Variants in ATP6V1C2 observed in about 807,000 individuals in gnomAD.
ATP6V1C2 encodes the protein V-type proton ATPase subunit C 2.
In ATP6V1C2, 45 loss-of-function variants were observed where a neutral mutation model predicts 56.8. The ratio of observed to expected loss-of-function variants is 0.79; its 90% CI spans 0.62 to 1.02. ATP6V1C2 has a LOEUF of 1.02. Ranked by LOEUF, ATP6V1C2 falls within the 50% of genes least tolerant of loss-of-function variation. The probability of loss-of-function intolerance (pLI) is 0.00; values close to 1 mark genes in which losing one functional copy is unlikely to be tolerated. For synonymous variants in ATP6V1C2, 220 were observed against 201.3 expected, an observed-to-expected ratio of 1.09 and a Z score of -0.79; for missense variants, 463 against 519.7, an observed-to-expected ratio of 0.89 and a Z score of 1.06.
chr2:10,742,488 C>T (rs368100912), intron 3 of ATP6V1C2, among the ~76,000 whole-genome samples: 1 of 152,166 alleles, frequency 6.6e-6, no homozygotes, highest in Non-Finnish European at 1.5e-5. Flanking sequence ...TCGGGCCCTG[C>T]GATCTGCAGC....
At chr2:10,779,261 C>T (rs746454633) in intron 12 of ATP6V1C2, among the ~76,000 whole-genome samples, 9 of 151,404 alleles carry the variant, frequency 5.9e-5, no homozygotes, top group Admixed American at 2.6e-4. Context: ...CCCGCCACCA[C>T]GCCCGGCTAA....
At chr2:10,741,556 C>T (rs187707844) in intron 3 of ATP6V1C2, among the ~76,000 whole-genome samples, 65 of 152,204 alleles carry the variant, frequency 4.3e-4, no homozygotes, top group Admixed American at 2.3e-3. Flanking sequence ...TGACAGTGGC[C>T]GGGCACTGGC....
At chr2:10,745,041 C>CTTTTT (rs5829274) in intron 3 of ATP6V1C2, among the ~76,000 whole-genome samples, 18 of 113,320 alleles carry the variant, frequency 1.6e-4, no homozygotes, top group Admixed American at 2.2e-4. Flanking sequence ...TATTTATTTT[C>CTTTTT]TTTTTTTTTT....
intron 2 of ATP6V1C2, among the ~76,000 whole-genome samples, chr2:10,725,064 T>C (rs968920659): frequency 6.6e-5 from 10 of 152,170 alleles, no homozygotes; most frequent in African/African-American, 2.4e-4. Context: ...TTCTTTCTGA[T>C]TCTGTGAAAA....
At chr2:10,772,872 A>G (rs368953946) in intron 8 of ATP6V1C2, among the ~76,000 whole-genome samples, 1 of 119,792 alleles carries the variant, frequency 8.3e-6, no homozygotes, top group Non-Finnish European at 1.9e-5. Context: ...CAGCCTCTCC[A>G]CGCCGTTGCC....
chr2:10,728,200 G>A (rs1661752515), intron 3 of ATP6V1C2, among the ~76,000 whole-genome samples: 1 of 152,112 alleles, frequency 6.6e-6, no homozygotes, highest in Admixed American at 6.6e-5. Flanking sequence ...TCCTACCTCA[G>A]CCTCCCAATT....
intron 4 of ATP6V1C2, 71 bp from the exon 5 acceptor site, chr2:10,764,260 G>A (rs745330806): frequency 1.1e-4 from 153 of 1,349,090 alleles, no homozygotes; most frequent in Non-Finnish European, 1.5e-4. Flanking sequence ...TGCTTGGCTT[G>A]GGATTCCGAA....
At chr2:10,751,732 G>A (rs905003044) in intron 3 of ATP6V1C2, among the ~76,000 whole-genome samples, 2 of 152,116 alleles carry the variant, frequency 1.3e-5, no homozygotes, top group Admixed American at 6.6e-5. Flanking sequence ...GAATTTTTAC[G>A]AGGATTAAAT....
chr2:10,731,702 A>G (rs147449408), intron 3 of ATP6V1C2, among the ~76,000 whole-genome samples: 1 of 152,204 alleles, frequency 6.6e-6, no homozygotes, highest in Non-Finnish European at 1.5e-5. Flanking sequence ...GGCCAAGCGC[A>G]GTAGCTCATG....
Position 10,780,015 on chromosome 2 carries a change from C to G in ATP6V1C2, c.1061+1346C>G, listed in dbSNP as rs570798494. On this transcript the variant is annotated intron_variant, in intron 12 of 13. Coordinates refer to ENST00000272238, the MANE Select transcript of ATP6V1C2 (RefSeq NM_001039362.2). This position sits in a 1 kb window ranked among gnomAD's most constrained non-coding sequence, Gnocchi z 4.1. ...GGGCTCCTCCAGCCCCTGAGACCCT[C>G]TGTGTGACCTTCCGGACCCCTTCCC... Among the ~76,000 whole-genome samples the G allele has an allele frequency of 3.7e-4, 57 of 152,302 alleles. No individual in the cohort carries two copies. The highest frequency in any genetic ancestry group is 1.2e-3 in the African/African-American group (49 of 41,564).
intron 6 of ATP6V1C2, among the ~76,000 whole-genome samples, chr2:10,770,576 C>G (rs1259828463): frequency 6.6e-6 from 1 of 152,222 alleles, no homozygotes; most frequent in African/African-American, 2.4e-5. Context: ...ATGGGGCCAT[C>G]CACTCGCATG....
chr2:10,783,759 T>C lies in ATP6V1C2; in HGVS notation c.*496T>C, dbSNP rs912708762. The C allele has an allele frequency of 6.4e-6, 1 of 156,304 alleles. No individual in the cohort carries two copies. The highest frequency in any genetic ancestry group is 1.4e-5 in the Non-Finnish European group (1 of 70,706). 9.7% of individuals were successfully genotyped at this position (156,304 alleles called of 1,614,324 possible). ...AGGTCTTGTTTTTTGTTTAAAAAAGTTTGTGGGGAGGAAAGACATCTGTGT... is the reference window on the plus strand; with the variant it reads ...AGGTCTTGTTTTTTGTTTAAAAAAGCTTGTGGGGAGGAAAGACATCTGTGT... On this transcript the variant is annotated 3_prime_UTR_variant, in exon 14 of 14. Transcript: ENST00000272238.
intron 1 of ATP6V1C2, 42 bp from the exon 2 acceptor site, chr2:10,722,782 C>CTTCTGT: frequency 6.3e-7 from 1 of 1,587,368 alleles, no homozygotes. Context: ...CACATCTCTC[C>CTTCTGT]TTCTGTTTCT....
At chr2:10,743,166 G>T (rs560206242) in intron 3 of ATP6V1C2, among the ~76,000 whole-genome samples, 2 of 152,134 alleles carry the variant, frequency 1.3e-5, no homozygotes, top group African/African-American at 4.8e-5. Flanking sequence ...GCCCAGGCTG[G>T]ACTGCAGTGA....
intron 9 of ATP6V1C2, 46 bp downstream of exon 9, chr2:10,774,926 C>T (rs770372841): frequency 1.2e-5 from 19 of 1,611,614 alleles, no homozygotes; most frequent in African/African-American, 5.3e-5. Context: ...CGGGGGGTCT[C>T]TGCCCCTCTG....
intron 5 of ATP6V1C2, among the ~76,000 whole-genome samples, chr2:10,765,490 G>A (rs1245980294): frequency 6.6e-6 from 1 of 152,272 alleles, no homozygotes; most frequent in Non-Finnish European, 1.5e-5. Flanking sequence ...CTGTGGCCAA[G>A]GGTCAGAGTG....
intron 3 of ATP6V1C2, among the ~76,000 whole-genome samples, chr2:10,731,528 A>G (rs965412682): frequency 7.9e-5 from 12 of 152,212 alleles, no homozygotes; most frequent in Admixed American, 5.2e-4. Flanking sequence ...ATCACATCAC[A>G]TAATCAAATA....
At chr2:10,754,872 C>T (rs1020943902) in intron 4 of ATP6V1C2, among the ~76,000 whole-genome samples, 17 of 148,798 alleles carry the variant, frequency 1.1e-4, no homozygotes, top group Admixed American at 6.7e-4. Context: ...CCACCGCGCC[C>T]GGCCTATTAT....
In ATP6V1C2 at chr2:10,768,855, C is replaced by G. The variant is rs569479849; in HGVS notation, c.470+45C>G. 2.6e-6 allele frequency: 4 copies of G among 1,550,244 alleles called. No homozygotes were observed. The African/African-American group carries it at 5.4e-5, about 21-fold the overall frequency. On this transcript the variant is annotated intron_variant, in intron 6 of 13. Coordinates refer to ENST00000272238, the MANE Select transcript of ATP6V1C2 (RefSeq NM_001039362.2). ...CACATCTGGCGGGGGCAGGTCCTGGCGGGGGCTTAGCGCTTGCCTGTCCTC... is the reference window on the plus strand; with the variant it reads ...CACATCTGGCGGGGGCAGGTCCTGGGGGGGGCTTAGCGCTTGCCTGTCCTC...
Sources: allele counts gnomAD v4.1 joint callset (sites outside exome capture counted in the v4.1 genomes callset), GRCh38; gene constraint gnomAD v4.1.1; non-coding constraint Gnocchi (gnomAD v3.1); transcripts MANE v1.5; gene names NCBI Gene and HGNC (gene_info 2026-07-23, HGNC 2026-07-21).